The following MPP4 variants were observed in gnomAD, a reference collection of about 807,000 sequenced individuals.
The protein encoded by MPP4 is MAGUK p55 subfamily member 4.
In MPP4, 91 loss-of-function variants were observed where a neutral mutation model predicts 98.3. That is an observed-to-expected ratio of 0.93 (90% CI 0.78 to 1.10). The LOEUF (loss-of-function observed/expected upper bound fraction) is 1.10. MPP4 is among the 50% of genes least tolerant of loss of function. The pLI is 0.00. For missense variants in MPP4, 744 were observed against 792.9 expected (o/e 0.94, Z 0.74); for synonymous variants, 261 against 271.8 (o/e 0.96, Z 0.39).
At chr2:201,695,905 G>A (rs1190920172) in intron 1 of MPP4, among the ~76,000 whole-genome samples, 1 of 152,166 alleles carries the variant, frequency 6.6e-6, no homozygotes, top group African/African-American at 2.4e-5. Flanking sequence ...GGACAATAAA[G>A]AATACATTAA....
At chr2:201,681,827 C>CA (rs1278702767) in intron 8 of MPP4, among the ~76,000 whole-genome samples, 1 of 151,156 alleles carries the variant, frequency 6.6e-6, no homozygotes, top group African/African-American at 2.5e-5. Flanking sequence ...GGGACCCCCC[C>CA]CCACCCTACA....
intron 3 of MPP4, 50 bp from the exon 4 acceptor site, chr2:201,690,329 C>A: frequency 7.8e-7 from 1 of 1,277,224 alleles, no homozygotes; most frequent in African/African-American, 1.5e-5. Flanking sequence ...ATGACTATTG[C>A]CATTTTGGAT....
At chr2:201,649,207 C>G (rs944131843) in intron 20 of MPP4, among the ~76,000 whole-genome samples, 1 of 152,190 alleles carries the variant, frequency 6.6e-6, no homozygotes, top group African/African-American at 2.4e-5. Context: ...TACATGTGGT[C>G]TCAGGAAGGT....
At chr2:201,657,201 G>A (rs1232169002) in intron 16 of MPP4, among the ~76,000 whole-genome samples, 1 of 152,172 alleles carries the variant, frequency 6.6e-6, no homozygotes, top group Non-Finnish European at 1.5e-5. Flanking sequence ...AAAGAGTGGA[G>A]CAGGCTCATT....
intron 11 of MPP4, among the ~76,000 whole-genome samples, 184 bp from the exon 12 acceptor site, chr2:201,669,934 A>AAT (rs1447729050): frequency 1.3e-5 from 2 of 152,272 alleles, no homozygotes; most frequent in African/African-American, 4.8e-5. Flanking sequence ...AATACTTTAT[A>AAT]AAACTGATAC....
At chr2:201,663,976 TAATG>T in intron 14 of MPP4, 101 bp downstream of exon 14, 1 of 763,192 alleles carries the variant, frequency 1.3e-6, no homozygotes, top group Non-Finnish European at 1.9e-6. Flanking sequence ...TTTAATTTTT[TAATG>T]TTGATATATT....
chr2:201,646,435 T>C (rs531297431), intron 21 of MPP4, among the ~76,000 whole-genome samples: 2 of 152,314 alleles, frequency 1.3e-5, no homozygotes, highest in South Asian at 4.1e-4. Flanking sequence ...TATTAGTTCA[T>C]GAAAATAGTA....
intron 10 of MPP4, among the ~76,000 whole-genome samples, chr2:201,677,501 A>G (rs2105934868): frequency 6.6e-6 from 1 of 152,282 alleles, no homozygotes; most frequent in Middle Eastern, 3.4e-3. Context: ...ATAATTTTCT[A>G]CCTGTTGAAA....
At chr2:201,692,697 A>G (rs1020016726) in intron 3 of MPP4, among the ~76,000 whole-genome samples, 2 of 152,170 alleles carry the variant, frequency 1.3e-5, no homozygotes, top group African/African-American at 4.8e-5. Context: ...AGAAGTTACC[A>G]TTTAGGAACC....
Position 201,685,063 on chromosome 2 carries a change from C to T in MPP4, c.574+1G>A. On this transcript the variant is annotated splice_donor_variant, in intron 7 of 21. Transcript: ENST00000409474. LOFTEE classifies it high-confidence loss of function. ...TCTCAATCCCAGCTGCTCCAGCTTA[C>T]CACTTCTCTCCGCCAGCCCACCGTG... 1 of 1,610,542 alleles carries T rather than the reference C, an allele frequency of 6.2e-7. No individual in the cohort carries two copies. Among genetic ancestry groups the T allele is most frequent in the Non-Finnish European group, 8.5e-7 (1 of 1,178,618 alleles).
At chr2:201,647,602 A>G in intron 21 of MPP4, 89 bp downstream of exon 21, 1 of 1,402,334 alleles carries the variant, frequency 7.1e-7, no homozygotes, top group Non-Finnish European at 9.7e-7. Context: ...GAGGACAATG[A>G]GATCAGAGAT....
chr2:201,657,957 T>G (rs567041225), intron 16 of MPP4, among the ~76,000 whole-genome samples: 6 of 149,810 alleles, frequency 4.0e-5, no homozygotes, highest in South Asian at 2.1e-4. Context: ...GCCCCTTGTT[T>G]TTTTTTTTTT....
chr2:201,666,586 G>GT, intron 12 of MPP4: 1 of 436,318 alleles, frequency 2.3e-6, no homozygotes, highest in South Asian at 3.1e-5. Flanking sequence ...GTCGGGTGTG[G>GT]TAGCACATGC....
rs1297265605 is a variant in MPP4 at position 201,645,045 on chromosome 2, A to T, written c.*165T>A. On this transcript the variant is annotated 3_prime_UTR_variant, in exon 22 of 22. Transcript: ENST00000409474. ...AAATTAAGTTAAAATAGGTAACCAC[A>T]TAACCATACAATAAAAATTTTTTTC... 1.9e-6 allele frequency: 1 copy of T among 534,888 alleles called. No homozygotes were observed. The highest frequency in any genetic ancestry group is 3.0e-6 in the Non-Finnish European group (1 of 336,104). The allele number at this position is 534,888 out of a possible 1,614,324, so 33.1% of individuals were successfully genotyped here. A position where few individuals can be genotyped will look rare whatever the true frequency, so the allele number is the denominator to read the frequency against.
rs749982827 is a variant in MPP4, at chr2:201,675,275, T to TG, written c.930-5dup. On this transcript the variant is annotated splice_region_variant and splice_polypyrimidine_tract_variant and intron_variant, in intron 10 of 21. Coordinates refer to ENST00000409474, the MANE Select transcript of MPP4 (RefSeq NM_033066.3). ...CCACCAGAATTCCCGTTGCTTCCTA[T>TG]GGGGGGGAAAAAACCATGCGACAAA... 195 of 1,605,876 alleles carry TG rather than the reference T, an allele frequency of 1.2e-4. 1 individual carries two copies. The highest frequency in any genetic ancestry group is 5.1e-4 in the Middle Eastern group (3 of 5,908).
chr2:201,673,950 G>T (rs1028632318), intron 11 of MPP4, among the ~76,000 whole-genome samples: 3 of 152,140 alleles, frequency 2.0e-5, no homozygotes, highest in Non-Finnish European at 2.9e-5. Context: ...ATTTCAGAAG[G>T]GCCTCGCTCA....
At chr2:201,698,263 A>G (rs1336625760) in intron 1 of MPP4, among the ~76,000 whole-genome samples, 3 of 152,218 alleles carry the variant, frequency 2.0e-5, no homozygotes, top group Non-Finnish European at 4.4e-5. Context: ...AAGCACTTGG[A>G]AACTTAATGA....
Position 201,692,795 on chromosome 2 carries a change from G to T in MPP4, c.201+113C>A, listed in dbSNP as rs183978351. The T allele has an allele frequency of 6.3e-6, 9 of 1,432,964 alleles. No individual in the cohort carries two copies. The African/African-American group carries it at 1.3e-4, about 21-fold the overall frequency. The allele number at this position is 1,432,964 out of a possible 1,614,324, so 88.8% of individuals were successfully genotyped here. A position where few individuals can be genotyped will look rare whatever the true frequency, so the allele number is the denominator to read the frequency against. On this transcript the variant is annotated intron_variant, in intron 3 of 21. Coordinates refer to ENST00000409474, the MANE Select transcript of MPP4 (RefSeq NM_033066.3). The stretch of plus-strand genomic sequence containing the variant: ...ACAGAACTGTGAGATATCAATTTCT[G>T]TTGTTTATAAACTATTCCACTATCC...
chr2:201,670,989 T>C (rs1360450798), intron 11 of MPP4, among the ~76,000 whole-genome samples: 2 of 152,168 alleles, frequency 1.3e-5, no homozygotes, highest in Non-Finnish European at 2.9e-5. Flanking sequence ...CAAGGAAAGC[T>C]GTGAGGGACT....
Sources: allele counts gnomAD v4.1 joint callset (sites outside exome capture counted in the v4.1 genomes callset), GRCh38; gene constraint gnomAD v4.1.1; transcripts MANE v1.5; gene names NCBI Gene and HGNC (gene_info 2026-07-23, HGNC 2026-07-21).